Variants in FGF12 observed in about 807,000 individuals in gnomAD.
The protein encoded by FGF12 is fibroblast growth factor 12B.
In FGF12, 14 loss-of-function variants were observed where a neutral mutation model predicts 23.6. The ratio of observed to expected loss-of-function variants is 0.59; its 90% CI spans 0.39 to 0.93. The LOEUF is 0.93. Among genes scored for constraint, FGF12 ranks in the 40% least tolerant of loss-of-function variants. FGF12 has a pLI of 0.00. For missense variants in FGF12, 175 were observed against 217.8 expected, an observed-to-expected ratio of 0.80 and a Z score of 1.24; for synonymous variants, 62 against 77.3, an observed-to-expected ratio of 0.80 and a Z score of 1.04.
intron 2 of FGF12, among the ~76,000 whole-genome samples, chr3:192,711,915 T>G (rs141141300): frequency 0.062 from 7,977 of 128,530 alleles, 408 homozygotes; most frequent in East Asian, 0.2. Flanking sequence ...CAAATCCCCC[T>G]CTGCGAGAAA....
chr3:192,560,213 T>A (rs1208721305), intron 2 of FGF12, among the ~76,000 whole-genome samples: 3 of 152,094 alleles, frequency 2.0e-5, no homozygotes, highest in Non-Finnish European at 4.4e-5. Context: ...TCTATATTTG[T>A]ATGATCCAGT....
At chr3:192,616,777 C>G (rs368594721) in intron 2 of FGF12, among the ~76,000 whole-genome samples, 2 of 151,614 alleles carry the variant, frequency 1.3e-5, no homozygotes, top group East Asian at 3.9e-4. Context: ...TTGTTATTCT[C>G]TGCCTTCTGC....
intron 4 of FGF12, among the ~76,000 whole-genome samples, chr3:192,294,927 C>G (rs1328129971): frequency 1.3e-5 from 2 of 152,062 alleles, no homozygotes; most frequent in African/African-American, 2.4e-5. Flanking sequence ...GAAACACAAA[C>G]TCTCAGAATT....
intron 4 of FGF12, among the ~76,000 whole-genome samples, chr3:192,252,710 G>T (rs1391699394): frequency 1.3e-5 from 2 of 151,734 alleles, no homozygotes; most frequent in Non-Finnish European, 2.9e-5. Context: ...TTTGATTAAT[G>T]TCAGCTATGG....
intron 2 of FGF12, among the ~76,000 whole-genome samples, chr3:192,590,516 C>T (rs1039491492): frequency 1.3e-5 from 2 of 151,788 alleles, no homozygotes; most frequent in African/African-American, 4.8e-5. Context: ...TTCAGCAGAA[C>T]AAATAAATGA....
chr3:192,588,826 A>C (rs1713499273), intron 2 of FGF12, among the ~76,000 whole-genome samples: 1 of 151,902 alleles, frequency 6.6e-6, no homozygotes, highest in Admixed American at 6.6e-5. Flanking sequence ...ATTTTTCTTT[A>C]GGTGAGAGGT....
chr3:192,504,191 A>G (rs966076418), intron 2 of FGF12, among the ~76,000 whole-genome samples: 2 of 152,104 alleles, frequency 1.3e-5, no homozygotes, highest in Non-Finnish European at 1.5e-5. Flanking sequence ...CCTACTTGAG[A>G]GTGGAGGGTG....
chr3:192,708,861 T>C (rs934724609), intron 2 of FGF12, among the ~76,000 whole-genome samples: 1 of 152,226 alleles, frequency 6.6e-6, no homozygotes, highest in African/African-American at 2.4e-5. Flanking sequence ...AGATGTATTG[T>C]GCTTTGAATG....
At chr3:192,314,213 A>G (rs1716109057) in intron 4 of FGF12, among the ~76,000 whole-genome samples, 1 of 152,178 alleles carries the variant, frequency 6.6e-6, no homozygotes, top group South Asian at 2.1e-4. Flanking sequence ...TAATTTGTCA[A>G]AGCAGCCCAA....
chr3:192,620,134 G>A (rs905405515), intron 2 of FGF12, among the ~76,000 whole-genome samples: 6 of 151,900 alleles, frequency 3.9e-5, no homozygotes, highest in Non-Finnish European at 8.8e-5. Flanking sequence ...CATTTTTGCC[G>A]ACCTCACTCT....
intron 4 of FGF12, among the ~76,000 whole-genome samples, chr3:192,309,305 C>T (rs1225733491): frequency 1.3e-5 from 2 of 152,098 alleles, no homozygotes; most frequent in African/African-American, 4.8e-5. Flanking sequence ...CACAAATATC[C>T]CATCTGCTAT....
intron 2 of FGF12, among the ~76,000 whole-genome samples, chr3:192,609,203 C>T (rs1459873320): frequency 2.6e-5 from 4 of 152,116 alleles, no homozygotes; most frequent in Non-Finnish European, 5.9e-5. Flanking sequence ...CTCTACCCAG[C>T]TAACTGTGTT....
rs948661827 is a variant in FGF12 at position 192,625,844 on chromosome 3, T to C, written c.13+101337A>G. On this transcript the variant is annotated intron_variant, in intron 2 of 5. Coordinates refer to ENST00000445105, the MANE Select transcript of FGF12 (RefSeq NM_004113.6). ...TGGGCAAAACAGTTATTAGATGTCA[T>C]GTTTCTAAACTTTAAAAACCTAATA... Among the ~76,000 whole-genome samples the C allele has an allele frequency of 7.2e-5, 11 of 152,226 alleles. 1 individual carries two copies. Among genetic ancestry groups the C allele is most frequent in the African/African-American group, 2.7e-4 (11 of 41,470 alleles).
intron 4 of FGF12, among the ~76,000 whole-genome samples, chr3:192,190,414 A>G (rs1716714523): frequency 6.6e-6 from 1 of 151,774 alleles, no homozygotes; most frequent in Non-Finnish European, 1.5e-5. Context: ...TTCTTTTTAT[A>G]TAAACCAACT....
chr3:192,368,205 C>T (rs1335985207), intron 2 of FGF12, among the ~76,000 whole-genome samples: 2 of 152,130 alleles, frequency 1.3e-5, no homozygotes, highest in African/African-American at 2.4e-5. Context: ...TTTAAAACTA[C>T]TACTTGACAT....
chr3:192,184,053 C>T (rs929784640), intron 4 of FGF12, among the ~76,000 whole-genome samples: 1 of 151,966 alleles, frequency 6.6e-6, no homozygotes, highest in Non-Finnish European at 1.5e-5. Context: ...CAAAACTGTG[C>T]CTCTACAAAA....
At position 192,360,239 on chromosome 3, in the gene FGF12, C is replaced by G. The variant is rs1718657177; in HGVS notation, c.124+189G>C. Among the ~76,000 whole-genome samples the G allele has an allele frequency of 6.6e-6, 1 of 152,146 alleles. No homozygotes were observed. The highest frequency in any genetic ancestry group is 1.5e-5 in the Non-Finnish European group (1 of 68,028). ...TTACCTTCTCTTAAGTGCATAACCT[C>G]TCTCCTATACTGTCTTTGCTGTAGG... On this transcript the variant is annotated intron_variant, in intron 3 of 5. Transcript: ENST00000445105. The surrounding 1 kb of genome is among the most constrained non-coding windows in gnomAD (Gnocchi z 4.3).
At chr3:192,497,663 G>A (rs551215032) in intron 2 of FGF12, among the ~76,000 whole-genome samples, 2 of 152,248 alleles carry the variant, frequency 1.3e-5, no homozygotes, top group East Asian at 1.9e-4. Flanking sequence ...TCCACCTGCT[G>A]TTCCTTCCAG....
rs577444312 is a variant in FGF12, at chr3:192,345,636, G to A, written c.125-10172C>T. ...CGGGAGGCGGAGCTTGCAGTGAGCC[G>A]AGATCGCGCCACTGCACTCCAGCCT... On this transcript the variant is annotated intron_variant, in intron 3 of 5. Transcript: ENST00000445105. Among the ~76,000 whole-genome samples the A allele has an allele frequency of 1.2e-3, 50 of 41,812 alleles. 10 individuals are homozygous for A. The highest frequency in any genetic ancestry group is 3.2e-3 in the African/African-American group (6 of 1,850). The allele number at this position is 41,812 out of a possible 152,430, so 27.4% of individuals were successfully genotyped here. A position where few individuals can be genotyped will look rare whatever the true frequency, so the allele number is the denominator to read the frequency against.
Sources: gnomAD v4.1 joint callset for allele counts (sites outside exome capture counted in the v4.1 genomes callset) on GRCh38, gnomAD v4.1.1 for gene constraint, Gnocchi (gnomAD v3.1) non-coding constraint, MANE v1.5 for transcripts, NCBI Gene and HGNC (gene_info 2026-07-23, HGNC 2026-07-21) for gene names.